Variants in PDE4B observed in about 807,000 individuals in gnomAD.
PDE4B encodes phosphodiesterase 4B.
A neutral mutation model predicts 82.2 loss-of-function variants in PDE4B; 20 were observed. The observed-to-expected ratio is 0.24, with a 90% CI of 0.17 to 0.35. The LOEUF (loss-of-function observed/expected upper bound fraction) is 0.35. Ranked by LOEUF, PDE4B falls within the 10% of genes least tolerant of loss-of-function variation. The pLI is 1.00. For synonymous variants in PDE4B, 320 were observed against 318.9 expected (o/e 1.00, Z -0.04); for missense variants, 655 against 907.2 (o/e 0.72, Z 3.57).
chr1:65,887,498 G>T (rs529077991), intron 1 of PDE4B, among the ~76,000 whole-genome samples: 1 of 120,596 alleles, frequency 8.3e-6, no homozygotes, highest in Non-Finnish European at 1.6e-5. Context: ...GCTCACTGCA[G>T]CCTCTGCCTC....
chr1:65,798,009 AATTT>A (rs901945645), intron 1 of PDE4B, among the ~76,000 whole-genome samples: 20 of 151,928 alleles, frequency 1.3e-4, no homozygotes, highest in African/African-American at 4.6e-4. Context: ...AATGTTTAAA[AATTT>A]ATTTATTTAT....
intron 3 of PDE4B, among the ~76,000 whole-genome samples, chr1:66,005,193 A>G (rs1450012927): frequency 1.3e-5 from 2 of 152,126 alleles, no homozygotes; most frequent in Non-Finnish European, 2.9e-5. Context: ...AAAAGGGGGA[A>G]GAGTTTCTGC....
chr1:66,369,969 G>A (rs1663556714), intron 16 of PDE4B, among the ~76,000 whole-genome samples: 1 of 151,860 alleles, frequency 6.6e-6, no homozygotes, highest in Non-Finnish European at 1.5e-5. Context: ...CCAACATGGT[G>A]AAACCCTGTC....
intron 3 of PDE4B, among the ~76,000 whole-genome samples, chr1:66,245,393 G>A (rs1247635446): frequency 6.6e-6 from 1 of 152,164 alleles, no homozygotes; most frequent in African/African-American, 2.4e-5. Flanking sequence ...CACTTTTTAA[G>A]AACCTACCTA....
intron 3 of PDE4B, among the ~76,000 whole-genome samples, chr1:66,072,664 T>A (rs548631505): frequency 1.3e-5 from 2 of 152,120 alleles, no homozygotes; most frequent in Admixed American, 1.3e-4. Flanking sequence ...GGATTCTCTG[T>A]CTTTCCATTC....
In PDE4B at chr1:66,295,717, G is replaced by A. The variant is rs185413866; in HGVS notation, c.634+29630G>A. On this transcript the variant is annotated intron_variant, in intron 7 of 16. Transcript: ENST00000341517. The stretch of plus-strand genomic sequence containing the variant: ...ATTACAGGAGTGAGCCGCTGTGCCC[G>A]GCTCCCATTCTTTTCTTTTGTTGTT... 1.0e-3 allele frequency among the ~76,000 whole-genome samples: 156 copies of A among 152,188 alleles called. 1 individual carries two copies. The highest frequency in any genetic ancestry group is 3.5e-3 in the African/African-American group (147 of 41,536).
chr1:66,080,385 T>G (rs1656660555), intron 3 of PDE4B, among the ~76,000 whole-genome samples: 1 of 152,170 alleles, frequency 6.6e-6, no homozygotes, highest in Non-Finnish European at 1.5e-5. Context: ...TTGTTATCTT[T>G]TTACCAAGTG....
intron 3 of PDE4B, among the ~76,000 whole-genome samples, chr1:65,983,334 G>T (rs1035354675): frequency 6.6e-6 from 1 of 152,128 alleles, no homozygotes; most frequent in African/African-American, 2.4e-5. Context: ...TTTTGGAGGT[G>T]TTGTGATGGG....
At chr1:65,869,161 G>A (rs762448995) in intron 1 of PDE4B, among the ~76,000 whole-genome samples, 17 of 152,188 alleles carry the variant, frequency 1.1e-4, no homozygotes, top group Non-Finnish European at 2.1e-4. Context: ...GTGTAGGCAT[G>A]TAATGCAGTT....
At chr1:66,284,779 A>T (rs1656552221) in intron 7 of PDE4B, among the ~76,000 whole-genome samples, 1 of 152,110 alleles carries the variant, frequency 6.6e-6, no homozygotes, top group African/African-American at 2.4e-5. Context: ...GATATGCAGG[A>T]CATTAGACAG....
chr1:66,203,950 G>A (rs1649284937), intron 3 of PDE4B, among the ~76,000 whole-genome samples: 1 of 152,136 alleles, frequency 6.6e-6, no homozygotes, highest in African/African-American at 2.4e-5. Flanking sequence ...CAGTTTTTCT[G>A]CTCTGTTTTT....
chr1:65,963,444 A>G (rs1649649588), intron 3 of PDE4B, among the ~76,000 whole-genome samples: 2 of 152,100 alleles, frequency 1.3e-5, no homozygotes, highest in Admixed American at 6.6e-5. Flanking sequence ...CCCTCATTGC[A>G]CCCCTGCAGC....
rs934223878 is a variant in PDE4B at position 65,910,433 on chromosome 1, G to A, written c.-70-2812G>A. ...CTTGCTTGTGTCAGTCACTGTGCTA[G>A]GAACTGAGGGGAGATATTTAACAAT... On this transcript the variant is annotated intron_variant, in intron 1 of 16. Coordinates refer to ENST00000341517, the MANE Select transcript of PDE4B (RefSeq NM_002600.4). 3.3e-5 allele frequency among the ~76,000 whole-genome samples: 5 copies of A among 152,148 alleles called. No individual in the cohort carries two copies. The East Asian group carries it at 9.6e-4, about 29-fold the overall frequency.
At chr1:66,324,330 A>T (rs1659603027) in intron 7 of PDE4B, among the ~76,000 whole-genome samples, 1 of 152,026 alleles carries the variant, frequency 6.6e-6, no homozygotes. Context: ...TTCCCCTCTC[A>T]ATCTCTCTGT....
chr1:66,175,442 G>A (rs1484661464), intron 3 of PDE4B, among the ~76,000 whole-genome samples: 2 of 152,148 alleles, frequency 1.3e-5, no homozygotes, highest in African/African-American at 4.8e-5. Flanking sequence ...CTGAGACCAG[G>A]TCCCTGTGAT....
At chr1:65,848,898 A>T (rs374132412) in intron 1 of PDE4B, among the ~76,000 whole-genome samples, 2 of 152,132 alleles carry the variant, frequency 1.3e-5, no homozygotes, top group South Asian at 4.1e-4. Flanking sequence ...TTCTCTTGGT[A>T]TATCAGTCAG....
At chr1:65,981,719 T>C (rs1485945233) in intron 3 of PDE4B, among the ~76,000 whole-genome samples, 2 of 152,084 alleles carry the variant, frequency 1.3e-5, no homozygotes, top group East Asian at 1.9e-4. Context: ...GGGGGTATTA[T>C]AAGGTTAAAT....
At chr1:66,010,151 CTGTT>C (rs1415398007) in intron 3 of PDE4B, among the ~76,000 whole-genome samples, 3 of 151,998 alleles carry the variant, frequency 2.0e-5, no homozygotes, top group South Asian at 2.1e-4. Flanking sequence ...GAGTTGCAGA[CTGTT>C]TGGGTACCTT....
At chr1:66,119,916 C>A (rs902888983) in intron 3 of PDE4B, among the ~76,000 whole-genome samples, 1 of 152,102 alleles carries the variant, frequency 6.6e-6, no homozygotes, top group Admixed American at 6.6e-5. Flanking sequence ...ATCTACAAGC[C>A]ATGGAATCTC....
Sources: allele counts gnomAD v4.1 joint callset (sites outside exome capture counted in the v4.1 genomes callset), GRCh38; gene constraint gnomAD v4.1.1; transcripts MANE v1.5; gene names NCBI Gene and HGNC (gene_info 2026-07-23, HGNC 2026-07-21).